The following TBCD variants were observed in gnomAD, a reference collection of about 807,000 sequenced individuals.
The protein encoded by TBCD is tubulin-specific chaperone D.
In TBCD, 105 loss-of-function variants were observed where a neutral mutation model predicts 169.3. The ratio of observed to expected loss-of-function variants is 0.62; its 90% CI spans 0.53 to 0.73. The LOEUF (loss-of-function observed/expected upper bound fraction) is 0.73. Among genes scored for constraint, TBCD ranks in the 30% least tolerant of loss-of-function variants. TBCD has a pLI of 0.00. For missense variants in TBCD, 1,444 were observed against 1,600.1 expected, an observed-to-expected ratio of 0.90 and a Z score of 1.66; for synonymous variants, 700 against 643.9, an observed-to-expected ratio of 1.09 and a Z score of -1.32.
chr17:82,936,048 T>C (rs1445010965), intron 34 of TBCD, among the ~76,000 whole-genome samples: 2 of 152,276 alleles, frequency 1.3e-5, no homozygotes, highest in Non-Finnish European at 2.9e-5. Flanking sequence ...GAGTGTTACC[T>C]CTGAGTCTGC....
At chr17:82,917,024 C>CTTTTTTTTTTTT (rs66678293) in intron 23 of TBCD, among the ~76,000 whole-genome samples, 1 of 130,886 alleles carries the variant, frequency 7.6e-6, no homozygotes, top group African/African-American at 2.9e-5. Context: ...CTTTTCTTTT[C>CTTTTTTTTTTTT]TTTTTTTTTT....
At chr17:82,940,211 TTG>T (rs1325455019) in intron 37 of TBCD, among the ~76,000 whole-genome samples, 3,027 of 115,900 alleles carry the variant, frequency 0.026, 116 homozygotes, top group African/African-American at 0.091. Flanking sequence ...ACATGCTCAC[TTG>T]CACGCGCGCA....
intron 33 of TBCD, among the ~76,000 whole-genome samples, chr17:82,931,106 T>A (rs1014427527): frequency 1.3e-5 from 2 of 152,204 alleles, no homozygotes; most frequent in Admixed American, 1.3e-4. Flanking sequence ...AGGCAGAGTA[T>A]AGACCCTGTG....
chr17:82,910,572 C>CT (rs773777041), intron 22 of TBCD, among the ~76,000 whole-genome samples: 662 of 146,234 alleles, frequency 4.5e-3, no homozygotes, highest in Non-Finnish European at 6.1e-3. Flanking sequence ...CTCTTAGTGA[C>CT]TTTTTTTTTT....
At chr17:82,897,517 CA>C (rs34695419) in intron 17 of TBCD, among the ~76,000 whole-genome samples, 59,189 of 134,256 alleles carry the variant, frequency 0.44, 12,377 homozygotes, top group African/African-American at 0.55. Context: ...GACTCCGTCT[CA>C]AAAAAAAAAA....
chr17:82,942,649 C>A lies in TBCD; in HGVS notation c.*186C>A. ...CTGCGCTCTGGTGACTTGGGGTGGACGCCTCTGCCTTCACTTGAACACAAA... is the reference window on the plus strand; with the variant it reads ...CTGCGCTCTGGTGACTTGGGGTGGAAGCCTCTGCCTTCACTTGAACACAAA... On this transcript the variant is annotated 3_prime_UTR_variant, in exon 39 of 39. Transcript: ENST00000355528. The A allele has an allele frequency of 1.5e-6, 1 of 683,810 alleles. No homozygotes were observed. The highest frequency in any genetic ancestry group is 1.8e-5 in the South Asian group (1 of 55,994). 42.4% of individuals were successfully genotyped at this position (683,810 alleles called of 1,614,324 possible).
rs543943386 is a variant in TBCD, at chr17:82,850,483, T to TTTTGC, written c.1319-19740_1319-19739insTTGCT. ...GGCTGTGCTGTTGTTGGCTGTGCTG[T>TTTTGC]TGTTGGCTGTGCTGTTTTGCTGTTG... On this transcript the variant is annotated intron_variant, in intron 13 of 38. Coordinates refer to ENST00000355528, the MANE Select transcript of TBCD (RefSeq NM_005993.5). Among the ~76,000 whole-genome samples the TTTTGC allele has an allele frequency of 8.3e-3, 1,190 of 142,800 alleles. 18 individuals carry two copies. The highest frequency in any genetic ancestry group is 0.02 in the African/African-American group (727 of 36,340). 93.7% of individuals were successfully genotyped at this position (142,800 alleles called of 152,430 possible).
chr17:82,907,507 A>T (rs2060333144), intron 20 of TBCD, among the ~76,000 whole-genome samples: 1 of 152,194 alleles, frequency 6.6e-6, no homozygotes, highest in Non-Finnish European at 1.5e-5. Flanking sequence ...ACATAGTGAG[A>T]CCCCATCTCT....
rs556857923 is a variant in TBCD, at chr17:82,817,667, G to A, written c.1318+2733G>A. On this transcript the variant is annotated intron_variant, in intron 13 of 38. Transcript: ENST00000355528. ...TCACTATGTGGCCCAGGCTCGTCTTGAACTTCTGGCCTCCAGTGATCCTCC... is the reference window on the plus strand; with the variant it reads ...TCACTATGTGGCCCAGGCTCGTCTTAAACTTCTGGCCTCCAGTGATCCTCC... Among the ~76,000 whole-genome samples, 308 of 152,262 alleles carry A rather than the reference G, an allele frequency of 2.0e-3. 3 individuals are homozygous for A. Among genetic ancestry groups the A allele is most frequent in the African/African-American group, 7.1e-3 (294 of 41,540 alleles).
Position 82,803,740 on chromosome 17 carries a change from G to A in TBCD, c.951-2135G>A, listed in dbSNP as rs566772433. On this transcript the variant is annotated intron_variant, in intron 9 of 38. Transcript: ENST00000355528. ...TCCGAGTCTCACCATTGTTGAGGTC[G>A]GGAGGGCATGTGTAGAAGCAGCCTG... is the stretch of plus-strand genomic sequence containing the variant. 1.2e-4 allele frequency among the ~76,000 whole-genome samples: 19 copies of A among 152,288 alleles called. No individual in the cohort carries two copies. The East Asian group carries it at 3.1e-3, about 25-fold the overall frequency.
intron 17 of TBCD, among the ~76,000 whole-genome samples, chr17:82,897,679 A>G (rs1029812206): frequency 3.7e-4 from 56 of 152,208 alleles, no homozygotes; most frequent in Non-Finnish European, 6.3e-4. Context: ...TGTGGTGCAC[A>G]TGACCCTCCC....
intron 13 of TBCD, among the ~76,000 whole-genome samples, chr17:82,866,874 C>G (rs1768494441): frequency 6.6e-6 from 1 of 152,124 alleles, no homozygotes; most frequent in South Asian, 2.1e-4. Context: ...GGCCTCTTCT[C>G]TTTAAGACAG....
At chr17:82,850,054 TTGGCTGTGCTGC>T in intron 13 of TBCD, among the ~76,000 whole-genome samples, 1 of 57,412 alleles carries the variant, frequency 1.7e-5, no homozygotes, top group African/African-American at 5.9e-5. Flanking sequence ...TGTGCTGTTG[TTGGCTGTGCTGC>T]TGTTGGCTGT....
At chr17:82,846,410 C>T (rs1335852012) in intron 13 of TBCD, among the ~76,000 whole-genome samples, 2 of 152,212 alleles carry the variant, frequency 1.3e-5, no homozygotes, top group Non-Finnish European at 2.9e-5. Flanking sequence ...CTGCTGCCCG[C>T]TGCTCTCTTT....
At chr17:82,917,663 G>T (rs2061147378) in intron 23 of TBCD, among the ~76,000 whole-genome samples, 1 of 152,234 alleles carries the variant, frequency 6.6e-6, no homozygotes. Context: ...TGGGTTTTGG[G>T]ACGTAGGAGG....
rs530631147 is a variant in TBCD, at chr17:82,792,680, T to A, written c.772-5077T>A. 7.9e-5 allele frequency among the ~76,000 whole-genome samples: 12 copies of A among 152,338 alleles called. 1 individual carries two copies. In the South Asian group the frequency reaches 2.5e-3, roughly 32 times the overall value. On this transcript the variant is annotated intron_variant, in intron 7 of 38. Coordinates refer to ENST00000355528, the MANE Select transcript of TBCD (RefSeq NM_005993.5). ...AGCTGGGCCTTGCATGGCCCCCACC[T>A]GTGAAGGTAATTAGTGTTTACCTTA...
At position 82,771,492 on chromosome 17, in the gene TBCD, C is replaced by T. The variant is rs551474248; in HGVS notation, c.583-960C>T. ...GGAGTATAGTGGTCTAATCTCAACTCACTGCAGCCTCTGCCTTTGAGGCTC... is the reference window on the plus strand; with the variant it reads ...GGAGTATAGTGGTCTAATCTCAACTTACTGCAGCCTCTGCCTTTGAGGCTC... On this transcript the variant is annotated intron_variant, in intron 5 of 38. Transcript: ENST00000355528. 3.5e-3 allele frequency among the ~76,000 whole-genome samples: 525 copies of T among 151,842 alleles called. 2 individuals carry two copies. The highest frequency in any genetic ancestry group is 6.2e-3 in the Non-Finnish European group (420 of 67,920).
chr17:82,927,150 ATGTT>A (rs780810123), intron 28 of TBCD, 32 bp from the exon 29 acceptor site: 192 of 1,613,114 alleles, frequency 1.2e-4, no homozygotes, highest in African/African-American at 2.5e-4. Context: ...AGGCTCACCG[ATGTT>A]TGTTTGTTAG....
intron 2 of TBCD, among the ~76,000 whole-genome samples, chr17:82,763,750 G>GA (rs2047889937): frequency 6.6e-6 from 1 of 151,428 alleles, no homozygotes; most frequent in Non-Finnish European, 1.5e-5. Flanking sequence ...CAAAAAAAAA[G>GA]AAAAAAAAGA....
Sources: allele counts gnomAD v4.1 joint callset (sites outside exome capture counted in the v4.1 genomes callset), GRCh38; gene constraint gnomAD v4.1.1; transcripts MANE v1.5; gene names NCBI Gene and HGNC (gene_info 2026-07-23, HGNC 2026-07-21).